Variants in IGFBP7 observed in about 807,000 individuals in gnomAD.
IGFBP7 encodes the protein insulin like growth factor binding protein 7, also known as insulin-like growth factor-binding protein 7.
In IGFBP7, 31 loss-of-function variants were observed where a neutral mutation model predicts 29.4. The ratio of observed to expected loss-of-function variants is 1.05; its 90% confidence interval spans 0.79 to 1.42. The LOEUF (loss-of-function observed/expected upper bound fraction) is 1.42, where lower values mean the gene tolerates loss of function less well. Ranked by LOEUF, IGFBP7 falls within the 40% of genes most tolerant of loss-of-function variation. IGFBP7 has a pLI of 0.00. For missense variants in IGFBP7, 393 were observed against 395.5 expected (o/e 0.99, Z 0.05); for synonymous variants, 172 against 174.9 (o/e 0.98, Z 0.13).
intron 1 of IGFBP7, among the ~76,000 whole-genome samples, chr4:57,055,527 C>A (rs939174436): frequency 6.6e-6 from 1 of 152,050 alleles, no homozygotes; most frequent in Admixed American, 6.6e-5. Flanking sequence ...TTGGGAGGTG[C>A]CAGTATTCAC....
intron 1 of IGFBP7, among the ~76,000 whole-genome samples, chr4:57,051,027 A>T (rs1194914073): frequency 2.0e-5 from 3 of 152,242 alleles, no homozygotes; most frequent in African/African-American, 4.8e-5. Context: ...AGGACCTCAG[A>T]TACCACATAT....
chr4:57,054,776 C>A (rs6839432), intron 1 of IGFBP7, among the ~76,000 whole-genome samples: 149,565 of 152,220 alleles, frequency 0.98, 73,525 homozygotes, highest in East Asian at 1. Flanking sequence ...CATTTTGCGA[C>A]GCTGAAGGCC....
chr4:57,081,251 T>C (rs1725359993), intron 1 of IGFBP7, among the ~76,000 whole-genome samples: 1 of 152,202 alleles, frequency 6.6e-6, no homozygotes, highest in Admixed American at 6.5e-5. Context: ...CCCATTTTTT[T>C]TTCACAGAGC....
Position 57,110,056 on chromosome 4 carries a change from C to G in IGFBP7, c.296G>C (p.Gly99Ala). ...KSRKRRKGKA[G>A]AAAGGPGVSG... ...TACACCCGGACCGCCGGCTGCTGCCCCGGCTTTACCCTTCCGCCTCTTGCG... is the reference window on the plus strand; with the variant it reads ...TACACCCGGACCGCCGGCTGCTGCCGCGGCTTTACCCTTCCGCCTCTTGCG... Residue 99 changes from glycine to alanine, a missense_variant, in exon 1 of 5, where the codon GGG becomes GCG. Physicochemically the swap from Gly to Ala is moderately conservative, Grantham distance 60 (BLOSUM62 0). Coordinates refer to ENST00000295666, the MANE Select transcript of IGFBP7 (RefSeq NM_001553.3). 6.4e-7 allele frequency: 1 copy of G among 1,561,610 alleles called. No individual in the cohort carries two copies. Among genetic ancestry groups the G allele is most frequent in the Non-Finnish European group, 8.6e-7 (1 of 1,159,814 alleles).
chr4:57,090,510 T>G (rs989043536), intron 1 of IGFBP7, among the ~76,000 whole-genome samples: 1 of 152,208 alleles, frequency 6.6e-6, no homozygotes, highest in African/African-American at 2.4e-5. Context: ...AAGTTCTTAA[T>G]GCTCTTCAGT....
chr4:57,049,850 C>T (rs1724460503), intron 1 of IGFBP7, among the ~76,000 whole-genome samples: 1 of 152,148 alleles, frequency 6.6e-6, no homozygotes, highest in Admixed American at 6.5e-5. Flanking sequence ...TTCAGAACAA[C>T]ATAACATGAT....
At chr4:57,043,254 C>T (rs1724274354) in intron 1 of IGFBP7, among the ~76,000 whole-genome samples, 1 of 152,198 alleles carries the variant, frequency 6.6e-6, no homozygotes, top group Non-Finnish European at 1.5e-5. Context: ...GTGTGAGACT[C>T]CAGAACCTAA....
At chr4:57,041,337 A>T (rs1352919000) in intron 1 of IGFBP7, among the ~76,000 whole-genome samples, 1 of 152,154 alleles carries the variant, frequency 6.6e-6, no homozygotes, top group African/African-American at 2.4e-5. Context: ...GCAACAAGCA[A>T]CCGCTCCATG....
At chr4:57,089,031 CAAAAAAATA>C (rs1470027716) in intron 1 of IGFBP7, among the ~76,000 whole-genome samples, 2 of 99,484 alleles carry the variant, frequency 2.0e-5, no homozygotes, top group Non-Finnish European at 4.0e-5. Context: ...GACTCTGTCT[CAAAAAAATA>C]AAAAAAAAAA....
chr4:57,068,252 T>C (rs1346366990), intron 1 of IGFBP7, among the ~76,000 whole-genome samples: 1 of 150,516 alleles, frequency 6.6e-6, no homozygotes, highest in Non-Finnish European at 1.5e-5. Flanking sequence ...ATCGTGCCAC[T>C]GTACTCTAGC....
intron 1 of IGFBP7, among the ~76,000 whole-genome samples, chr4:57,103,571 A>G (rs1034961835): frequency 9.2e-5 from 14 of 151,790 alleles, no homozygotes; most frequent in African/African-American, 3.1e-4. Flanking sequence ...GCTATTTAAC[A>G]TATGCATTAC....
In IGFBP7 at chr4:57,059,939, A is replaced by C. The variant is rs145059793; in HGVS notation, c.476-19006T>G. Among the ~76,000 whole-genome samples the C allele has an allele frequency of 1.6e-3, 251 of 152,328 alleles. 1 individual carries two copies. The highest frequency in any genetic ancestry group is 3.3e-3 in the Admixed American group (51 of 15,306). ...GAAAGGACTACAATAATAACTAACT[A>C]AATCACATTTCAGCATTGTATAGCA... On this transcript the variant is annotated intron_variant, in intron 1 of 4. Coordinates refer to ENST00000295666, the MANE Select transcript of IGFBP7 (RefSeq NM_001553.3).
intron 1 of IGFBP7, among the ~76,000 whole-genome samples, chr4:57,053,696 C>T (rs966092086): frequency 6.6e-6 from 1 of 152,140 alleles, no homozygotes; most frequent in African/African-American, 2.4e-5. Flanking sequence ...GTTGAATCAG[C>T]AGGCTAGGTT....
intron 1 of IGFBP7, among the ~76,000 whole-genome samples, chr4:57,098,733 G>A (rs2109802028): frequency 6.6e-6 from 1 of 152,334 alleles, no homozygotes; most frequent in Non-Finnish European, 1.5e-5. Flanking sequence ...CTCACTCAGA[G>A]AGCACTGCTG....
intron 2 of IGFBP7, among the ~76,000 whole-genome samples, chr4:57,038,285 G>A (rs1724132258): frequency 6.6e-6 from 1 of 152,278 alleles, no homozygotes. Context: ...TTTCCTCTGG[G>A]GTCTTTAAGC....
intron 2 of IGFBP7, 143 bp from the exon 3 acceptor site, chr4:57,033,454 T>TA (rs1044904304): frequency 1.8e-4 from 129 of 706,106 alleles, no homozygotes; most frequent in Middle Eastern, 7.0e-4. Context: ...TATTTCCCTT[T>TA]CCTAAATACT....
chr4:57,077,134 A>AG (rs370490856), intron 1 of IGFBP7, among the ~76,000 whole-genome samples: 1 of 151,808 alleles, frequency 6.6e-6, no homozygotes, highest in Non-Finnish European at 1.5e-5. Context: ...AAAACAAAAA[A>AG]CAAAATATGG....
intron 1 of IGFBP7, among the ~76,000 whole-genome samples, chr4:57,049,622 C>T (rs924470112): frequency 1.3e-5 from 2 of 152,170 alleles, no homozygotes; most frequent in African/African-American, 2.4e-5. Flanking sequence ...TTCAGGCTCC[C>T]CCTTATTTCT....
At chr4:57,078,915 G>C (rs1725294520) in intron 1 of IGFBP7, among the ~76,000 whole-genome samples, 1 of 152,154 alleles carries the variant, frequency 6.6e-6, no homozygotes, top group African/African-American at 2.4e-5. Flanking sequence ...TGCTGATCTG[G>C]GAGCTGCTAC....
Sources: allele counts gnomAD v4.1 joint callset (sites outside exome capture counted in the v4.1 genomes callset), GRCh38; gene constraint gnomAD v4.1.1; transcripts MANE v1.5; gene names NCBI Gene and HGNC (gene_info 2026-07-23, HGNC 2026-07-21).